Variants in BICDL1 observed in about 807,000 individuals in gnomAD.
BICDL1 encodes BICD family-like cargo adapter 1.
Under a neutral mutation model 76.8 loss-of-function variants are expected in BICDL1, and 20 were observed. The ratio of observed to expected loss-of-function variants is 0.26; its 90% CI spans 0.18 to 0.38. The LOEUF (loss-of-function observed/expected upper bound fraction) is 0.38, where lower values mean the gene tolerates loss of function less well. BICDL1 is among the 10% of genes least tolerant of loss of function. BICDL1 has a pLI of 1.00. For missense variants in BICDL1, 700 were observed against 798.6 expected (o/e 0.88, Z 1.49); for synonymous variants, 383 against 337.1 (o/e 1.14, Z -1.49).
chr12:120,016,038 C>T (rs1032919563), intron 2 of BICDL1, among the ~76,000 whole-genome samples: 2 of 152,156 alleles, frequency 1.3e-5, no homozygotes, highest in Non-Finnish European at 2.9e-5. Flanking sequence ...TCCCCCATAT[C>T]GTTCTGCATT....
chr12:120,033,293 T>G (rs1424034245), intron 2 of BICDL1, among the ~76,000 whole-genome samples: 1 of 151,902 alleles, frequency 6.6e-6, no homozygotes, highest in African/African-American at 2.4e-5. Context: ...TTTATTTTAT[T>G]ATAATCCTTT....
At chr12:120,077,547 A>G (rs1333405735) in intron 7 of BICDL1, among the ~76,000 whole-genome samples, 2 of 151,866 alleles carry the variant, frequency 1.3e-5, no homozygotes, top group Non-Finnish European at 2.9e-5. Context: ...GAAGCATCCC[A>G]TTTCTGTTGT....
intron 1 of BICDL1, among the ~76,000 whole-genome samples, chr12:119,996,075 C>T (rs1295575381): frequency 6.6e-6 from 1 of 152,066 alleles, no homozygotes; most frequent in Non-Finnish European, 1.5e-5. Context: ...AGAAGGCCCT[C>T]CCTTGTCATT....
At chr12:120,011,036 T>G (rs896951762) in intron 2 of BICDL1, among the ~76,000 whole-genome samples, 1 of 152,264 alleles carries the variant, frequency 6.6e-6, no homozygotes, top group Admixed American at 6.5e-5. Flanking sequence ...CACCAACTTT[T>G]AGTAGCCTAA....
At position 119,990,174 on chromosome 12, in the gene BICDL1, G is replaced by A. The variant is rs753285073; in HGVS notation, c.306G>A (p.Val102=). The change falls in exon 1 of 10, where the codon GTG becomes GTA. Residue 102 remains valine, a synonymous_variant. Transcript: ENST00000548673. ...CCCAGGACCCCGAGCTGCTGTCGGT[G>A]ATCCGACAGAAGGAGAAGGATCTGG... The part of the protein sequence containing the change: ...PPSQDPELLS[V]IRQKEKDLVL... The A allele has an allele frequency of 1.1e-5, 17 of 1,554,138 alleles. No homozygotes were observed. Among genetic ancestry groups the A allele is most frequent in the East Asian group, 4.9e-5 (2 of 41,186 alleles).
At chr12:119,997,887 G>T (rs750778067) in intron 1 of BICDL1, among the ~76,000 whole-genome samples, 1 of 152,124 alleles carries the variant, frequency 6.6e-6, no homozygotes, top group African/African-American at 2.4e-5. Flanking sequence ...AGGCCGGGCC[G>T]GGGGGATCAC....
At chr12:120,028,852 A>G (rs1952363214) in intron 2 of BICDL1, among the ~76,000 whole-genome samples, 1 of 152,172 alleles carries the variant, frequency 6.6e-6, no homozygotes. Flanking sequence ...CCCTGTCTCT[A>G]AACAAAAAAG....
intron 8 of BICDL1, among the ~76,000 whole-genome samples, chr12:120,081,682 C>CT (rs962163481): frequency 2.0e-4 from 30 of 147,822 alleles, no homozygotes; most frequent in East Asian, 5.9e-4. Context: ...TCTACCTCAC[C>CT]TTTTTTTTTT....
chr12:120,038,568 T>G (rs1006391621), intron 2 of BICDL1, among the ~76,000 whole-genome samples: 7 of 152,190 alleles, frequency 4.6e-5, no homozygotes, highest in African/African-American at 1.7e-4. Flanking sequence ...ATTTTTTTCA[T>G]TGTTGGTTTT....
At chr12:120,054,019 A>C (rs544678329) in intron 2 of BICDL1, among the ~76,000 whole-genome samples, 1 of 142,532 alleles carries the variant, frequency 7.0e-6, no homozygotes, top group Admixed American at 7.0e-5. Context: ...CTAAAAATAT[A>C]AAAAAAATAA....
chr12:120,076,992 C>G (rs1428629700), intron 7 of BICDL1, among the ~76,000 whole-genome samples: 1 of 152,246 alleles, frequency 6.6e-6, no homozygotes, highest in African/African-American at 2.4e-5. Context: ...AGAGGACAGT[C>G]AGAGCCATCT....
intron 2 of BICDL1, among the ~76,000 whole-genome samples, chr12:120,021,487 T>C (rs933812730): frequency 1.2e-4 from 17 of 145,672 alleles, no homozygotes; most frequent in African/African-American, 4.1e-4. Flanking sequence ...CTAGGGAGGC[T>C]GAGGCAGGAG....
rs77082871 is a variant in BICDL1 at position 120,060,941 on chromosome 12, T to C, written c.646-769T>C. ...GACCCCATTTGGCCTCAAAAAAGCATTGAGGCAGTTACTTAATTTGTCCCG... is the reference window on the plus strand; with the variant it reads ...GACCCCATTTGGCCTCAAAAAAGCACTGAGGCAGTTACTTAATTTGTCCCG... On this transcript the variant is annotated intron_variant, in intron 2 of 9. Coordinates refer to ENST00000548673, the MANE Select transcript of BICDL1 (RefSeq NM_001367886.1). Among the ~76,000 whole-genome samples, 255 of 152,262 alleles carry C rather than the reference T, an allele frequency of 1.7e-3. 1 individual carries two copies. Among genetic ancestry groups the C allele is most frequent in the African/African-American group, 5.9e-3 (246 of 41,562 alleles).
At chr12:120,077,433 G>A (rs1873637331) in intron 7 of BICDL1, among the ~76,000 whole-genome samples, 1 of 152,118 alleles carries the variant, frequency 6.6e-6, no homozygotes, top group Non-Finnish European at 1.5e-5. Context: ...CTGCTAGGAT[G>A]CAGGGGGGTC....
intron 2 of BICDL1, among the ~76,000 whole-genome samples, chr12:120,007,699 T>C (rs1292028775): frequency 6.6e-6 from 1 of 152,246 alleles, no homozygotes; most frequent in Non-Finnish European, 1.5e-5. Flanking sequence ...CAGATCCTTG[T>C]TCTTTAAACA....
chr12:120,076,745 G>A (rs117719892), intron 7 of BICDL1, among the ~76,000 whole-genome samples: 2 of 152,176 alleles, frequency 1.3e-5, no homozygotes, highest in African/African-American at 4.8e-5. Flanking sequence ...CAGCCACACC[G>A]CACGTAGCAA....
At chr12:120,038,027 T>C (rs549024907) in intron 2 of BICDL1, among the ~76,000 whole-genome samples, 4 of 152,330 alleles carry the variant, frequency 2.6e-5, no homozygotes, top group Non-Finnish European at 5.9e-5. Context: ...GACCTGGAAG[T>C]GGGTAGTTTG....
At chr12:120,045,253 A>G (rs1952723923) in intron 2 of BICDL1, among the ~76,000 whole-genome samples, 1 of 152,224 alleles carries the variant, frequency 6.6e-6, no homozygotes. Flanking sequence ...GGCAATCATT[A>G]AAAAGTCAGG....
chr12:120,040,801 G>GC (rs1952627079), intron 2 of BICDL1, among the ~76,000 whole-genome samples: 1 of 144,794 alleles, frequency 6.9e-6, no homozygotes, highest in Non-Finnish European at 1.5e-5. Flanking sequence ...AGACTGGAGT[G>GC]CAATGGCATG....
Sources: gnomAD v4.1 joint callset for allele counts (sites outside exome capture counted in the v4.1 genomes callset) on GRCh38, gnomAD v4.1.1 for gene constraint, MANE v1.5 for transcripts, NCBI Gene and HGNC (gene_info 2026-07-23, HGNC 2026-07-21) for gene names.